Variants in PCDH9 observed in about 807,000 individuals in gnomAD.
PCDH9 encodes the protein protocadherin 9.
Under a neutral mutation model 70.6 loss-of-function variants are expected in PCDH9, and 24 were observed. That is an observed-to-expected ratio of 0.34 (90% CI 0.25 to 0.48). The LOEUF (loss-of-function observed/expected upper bound fraction) is 0.48, where lower values mean the gene tolerates loss of function less well. Ranked by LOEUF, PCDH9 falls within the 20% of genes least tolerant of loss-of-function variation. The probability of loss-of-function intolerance (pLI) is 0.99; values close to 1 mark genes in which losing one functional copy is unlikely to be tolerated. For missense variants in PCDH9, 1,281 were observed against 1,503.6 expected, an observed-to-expected ratio of 0.85 and a Z score of 2.45; for synonymous variants, 562 against 558.5, an observed-to-expected ratio of 1.01 and a Z score of -0.09.
intron 3 of PCDH9, among the ~76,000 whole-genome samples, chr13:66,758,299 CT>C (rs1291348272): frequency 2.6e-5 from 4 of 152,010 alleles, no homozygotes; most frequent in African/African-American, 9.7e-5. Flanking sequence ...CTGATTTCTC[CT>C]ATCTAACTAT....
At chr13:66,946,762 CAAAA>C (rs201647924) in intron 2 of PCDH9, among the ~76,000 whole-genome samples, 1 of 149,834 alleles carries the variant, frequency 6.7e-6, no homozygotes, top group Non-Finnish European at 1.5e-5. Flanking sequence ...ATTTTAGAAA[CAAAA>C]AAAAATTCTA....
At chr13:66,878,377 C>T (rs1246732530) in intron 3 of PCDH9, among the ~76,000 whole-genome samples, 1 of 151,926 alleles carries the variant, frequency 6.6e-6, no homozygotes, top group East Asian at 1.9e-4. Flanking sequence ...CAGGGGCCCG[C>T]CACCACGCCC....
chr13:67,024,556 T>C (rs2084742113), intron 2 of PCDH9, among the ~76,000 whole-genome samples: 1 of 152,144 alleles, frequency 6.6e-6, no homozygotes, highest in African/African-American at 2.4e-5. Context: ...CTACTTATTG[T>C]ATCTGTATGG....
intron 3 of PCDH9, among the ~76,000 whole-genome samples, chr13:66,837,604 G>A (rs2081043654): frequency 6.6e-6 from 1 of 152,138 alleles, no homozygotes. Flanking sequence ...GGAAGGGAAG[G>A]AGGAGAACAA....
chr13:66,621,611 T>G (rs901397470), intron 4 of PCDH9, among the ~76,000 whole-genome samples: 5 of 152,228 alleles, frequency 3.3e-5, no homozygotes, highest in Non-Finnish European at 7.3e-5. Context: ...CTTTCCTTTT[T>G]ATGCCTCTGT....
At chr13:66,790,928 T>G (rs905288871) in intron 3 of PCDH9, among the ~76,000 whole-genome samples, 1 of 152,132 alleles carries the variant, frequency 6.6e-6, no homozygotes, top group Non-Finnish European at 1.5e-5. Context: ...GGAGTTACAT[T>G]TCTATAAATA....
chr13:66,839,671 T>C (rs2081083212), intron 3 of PCDH9, among the ~76,000 whole-genome samples: 1 of 152,214 alleles, frequency 6.6e-6, no homozygotes, highest in Admixed American at 6.5e-5. Context: ...AATACCTCTC[T>C]GATACCGTCA....
intron 3 of PCDH9, among the ~76,000 whole-genome samples, chr13:66,800,060 C>T (rs1594077117): frequency 1.3e-5 from 2 of 152,236 alleles, no homozygotes; most frequent in South Asian, 4.1e-4. Context: ...TAGCCCCCTG[C>T]TTCCTTCCTC....
At chr13:66,736,603 T>TA (rs11381579) in intron 3 of PCDH9, among the ~76,000 whole-genome samples, 8,273 of 152,262 alleles carry the variant, frequency 0.054, 712 homozygotes, top group African/African-American at 0.19. Flanking sequence ...AGCCTTCTAA[T>TA]AAAAAACAAA....
At chr13:66,317,066 C>A (rs1477029982) in intron 4 of PCDH9, among the ~76,000 whole-genome samples, 1 of 152,100 alleles carries the variant, frequency 6.6e-6, no homozygotes, top group African/African-American at 2.4e-5. Flanking sequence ...CTACCTTTCA[C>A]AATACATTTA....
chr13:66,426,079 G>C (rs1957663758), intron 4 of PCDH9, among the ~76,000 whole-genome samples: 1 of 151,678 alleles, frequency 6.6e-6, no homozygotes, highest in Non-Finnish European at 1.5e-5. Flanking sequence ...AAAGAAAAAA[G>C]AGGTAGGAGT....
At position 66,614,615 on chromosome 13, in the gene PCDH9, G is replaced by C. The variant is rs140139737; in HGVS notation, c.3340+16595C>G. On this transcript the variant is annotated intron_variant, in intron 4 of 4. Transcript: ENST00000377865. The stretch of plus-strand genomic sequence containing the variant: ...TTAAAATTGTCTTCCCCGGAAGCAG[G>C]CTTTTCGAATACTTCAGAGGGCCCC... Among the ~76,000 whole-genome samples the C allele has an allele frequency of 3.3e-5, 5 of 152,272 alleles. No individual in the cohort carries two copies. The East Asian group carries it at 9.7e-4, about 29-fold the overall frequency.
At chr13:66,331,565 C>T (rs1955941839) in intron 4 of PCDH9, among the ~76,000 whole-genome samples, 1 of 152,068 alleles carries the variant, frequency 6.6e-6, no homozygotes, top group South Asian at 2.1e-4. Context: ...TAAAATGGCC[C>T]AAAATGTTTT....
chr13:66,978,396 G>A (rs1319028703), intron 2 of PCDH9: 1 of 151,366 alleles, frequency 6.6e-6, no homozygotes, highest in Non-Finnish European at 1.5e-5. Flanking sequence ...CAAAATAAAA[G>A]CAATTGCAAT....
chr13:66,561,253 C>T (rs989512504), intron 4 of PCDH9, among the ~76,000 whole-genome samples: 3 of 152,210 alleles, frequency 2.0e-5, no homozygotes, highest in African/African-American at 7.2e-5. Flanking sequence ...TAGCTGCCTT[C>T]CCACAGGGCA....
intron 2 of PCDH9, among the ~76,000 whole-genome samples, chr13:67,064,054 T>C (rs1327281333): frequency 1.3e-5 from 2 of 152,148 alleles, no homozygotes; most frequent in Non-Finnish European, 2.9e-5. Context: ...CCTGGCCTCA[T>C]TGTTAACCTC....
chr13:66,557,391 T>G (rs566000611), intron 4 of PCDH9, among the ~76,000 whole-genome samples: 5 of 152,220 alleles, frequency 3.3e-5, no homozygotes, highest in Non-Finnish European at 7.3e-5. Context: ...ACTGAGACTT[T>G]AAAATGTAAT....
intron 4 of PCDH9, among the ~76,000 whole-genome samples, chr13:66,505,226 G>A (rs777356830): frequency 5.9e-5 from 9 of 151,960 alleles, no homozygotes; most frequent in Non-Finnish European, 1.2e-4. Context: ...TTCTCACACC[G>A]CTAATAAAGA....
chr13:66,606,755 T>A (rs944307434), intron 4 of PCDH9, among the ~76,000 whole-genome samples: 3 of 151,358 alleles, frequency 2.0e-5, no homozygotes, highest in South Asian at 4.2e-4. Flanking sequence ...AAAACTGGCA[T>A]TTTTTTTTCA....
Sources: allele counts gnomAD v4.1 joint callset (sites outside exome capture counted in the v4.1 genomes callset), GRCh38; gene constraint gnomAD v4.1.1; transcripts MANE v1.5; gene names NCBI Gene and HGNC (gene_info 2026-07-23, HGNC 2026-07-21).